GEMIN8: variants seen among roughly 807,000 people sequenced by gnomAD.
GEMIN8 encodes gem nuclear organelle associated protein 8, also known as gem-associated protein 8.
For missense variants in GEMIN8, 185 were observed against 205.9 expected (o/e 0.90, Z 0.62); for synonymous variants, 80 against 78.5 (o/e 1.02, Z -0.10).
In GEMIN8 at chrX:14,020,440, C is replaced by T. The variant is rs758365819; in HGVS notation, c.110G>A (p.Ser37Asn). Residue 37 changes from serine to asparagine, a missense_variant, in exon 4 of 5, where the codon AGC (serine) becomes AAC (asparagine). Transcript: ENST00000680255. The stretch of plus-strand genomic sequence containing the variant: ...GGCCTTCCTGTAGGCATTGTGATGG[C>T]TTTGCATCCAAGCCATTGCTTGATG... ...HYHQAMAWMQ[S>N]HHNAYRKAVE... 4.1e-6 allele frequency: 5 copies of T among 1,204,848 alleles called. No homozygotes were observed. The highest frequency in any genetic ancestry group is 1.7e-5 in the African/African-American group (1 of 57,706).
chrX:14,010,554 G>A (rs1440569963), intron 4 of GEMIN8, among the ~76,000 whole-genome samples: 2 of 112,466 alleles, frequency 1.8e-5, no homozygotes, highest in African/African-American at 6.5e-5. Flanking sequence ...AGCTAATCAA[G>A]TGTGAATGGA....
chrX:13,997,940 T>A, the GEMIN8 span, among the ~76,000 whole-genome samples: 2 of 109,303 alleles, frequency 1.8e-5, no homozygotes, highest in Non-Finnish European at 3.8e-5. Context: ...TGATGTATCT[T>A]AAAAATCCCG....
chrX:14,015,487 CTTTTGGTG>C (rs1459460019), intron 4 of GEMIN8, among the ~76,000 whole-genome samples: 3 of 111,936 alleles, frequency 2.7e-5, no homozygotes, highest in African/African-American at 9.7e-5. Context: ...CCTAGTCAAG[CTTTTGGTG>C]TTTTTTATCC....
chrX:13,984,429 T>TCCAG, the GEMIN8 span, among the ~76,000 whole-genome samples: 1 of 112,481 alleles, frequency 8.9e-6, no homozygotes, highest in Non-Finnish European at 1.9e-5. Context: ...AGATACCAAA[T>TCCAG]CCAGCCTACC....
At chrX:14,021,027 A>G (rs750843966) in intron 3 of GEMIN8, among the ~76,000 whole-genome samples, 2 of 111,151 alleles carry the variant, frequency 1.8e-5, no homozygotes, top group East Asian at 5.7e-4. Context: ...CTGGGGTAAG[A>G]GATGTCTAGG....
chrX:14,000,115 G>A, the GEMIN8 span, among the ~76,000 whole-genome samples: 28 of 108,240 alleles, frequency 2.6e-4, no homozygotes, highest in African/African-American at 9.1e-4. Flanking sequence ...GATCCACCTG[G>A]GCAATATAGT....
At chrX:14,006,105 T>C (rs1167910303), downstream of GEMIN8, among the ~76,000 whole-genome samples, 1 of 108,093 alleles carries the variant, frequency 9.3e-6, no homozygotes, top group Non-Finnish European at 1.9e-5. Flanking sequence ...CTCGGCTCAC[T>C]GCAACCTCTG....
the GEMIN8 span, among the ~76,000 whole-genome samples, chrX:13,993,112 C>T: frequency 6.6e-3 from 738 of 112,306 alleles, 7 homozygotes; most frequent in African/African-American, 0.023. Context: ...TTACTGTCAT[C>T]GCCTTTGAAC....
intron 1 of GEMIN8, among the ~76,000 whole-genome samples, chrX:14,026,593 G>C (rs1360737245): frequency 3.6e-5 from 4 of 112,307 alleles, no homozygotes; most frequent in Non-Finnish European, 7.5e-5. Flanking sequence ...AGTTTTCAAT[G>C]GATAAAATGT....
intron 1 of GEMIN8, chrX:14,027,007 A>C (rs1924730086): frequency 8.9e-6 from 1 of 112,617 alleles, no homozygotes; most frequent in Non-Finnish European, 1.9e-5. Context: ...TTCAGTACAC[A>C]CTGTTTCAAG....
chrX:14,014,587 A>G (rs1923788570), intron 4 of GEMIN8: 1 of 673,021 alleles, frequency 1.5e-6, no homozygotes, highest in African/African-American at 2.4e-5. Flanking sequence ...CAATCACTGC[A>G]ATTTCATCCT....
downstream of GEMIN8, among the ~76,000 whole-genome samples, chrX:14,001,952 G>A (rs190513259): frequency 1.8e-4 from 19 of 108,481 alleles, no homozygotes; most frequent in East Asian, 2.4e-3. Context: ...GTGAAACCCC[G>A]TCTGTACTAA....
At chrX:13,998,993 A>G in the GEMIN8 span, among the ~76,000 whole-genome samples, 1 of 112,183 alleles carries the variant, frequency 8.9e-6, no homozygotes, top group Non-Finnish European at 1.9e-5. Context: ...TTTTTTAGAC[A>G]GATAAAAATA....
At chrX:13,988,241 G>A in the GEMIN8 span, among the ~76,000 whole-genome samples, 7 of 111,545 alleles carry the variant, frequency 6.3e-5, no homozygotes, top group South Asian at 2.3e-3. Context: ...ACTTGCGCAC[G>A]TACAACTGCC....
intron 2 of GEMIN8, among the ~76,000 whole-genome samples, chrX:14,024,312 A>G (rs950732904): frequency 2.7e-5 from 3 of 111,414 alleles, no homozygotes; most frequent in African/African-American, 9.8e-5. Flanking sequence ...CAGCCTGGCC[A>G]ACATGGTGAA....
At chrX:13,987,154 C>CA in the GEMIN8 span, among the ~76,000 whole-genome samples, 1 of 111,813 alleles carries the variant, frequency 8.9e-6, no homozygotes. Context: ...GCCCCTTCCT[C>CA]AGTCTTTGAC....
At position 14,024,224 on chromosome X, in the gene GEMIN8, C is replaced by T. The variant is rs369307754; in HGVS notation, c.-34+1916G>A. On this transcript the variant is annotated intron_variant, in intron 2 of 4. Coordinates refer to ENST00000680255, the MANE Select transcript of GEMIN8 (RefSeq NM_001042479.2). ...CTGTGATTTAGAGGGAGGGGCCAGA[C>T]ACTGTGGCTCACGCCTATAATCCCA... Among the ~76,000 whole-genome samples, 4 of 112,377 alleles carry T rather than the reference C, an allele frequency of 3.6e-5. No individual in the cohort carries two copies. The South Asian group carries it at 1.1e-3, about 31-fold the overall frequency.
At chrX:14,020,566 C>T in intron 3 of GEMIN8, 32 bp from the exon 4 acceptor site, 1 of 900,884 alleles carries the variant, frequency 1.1e-6, no homozygotes, top group South Asian at 2.1e-5. Flanking sequence ...AGGGTGGACA[C>T]CAAAGTGTTT....
intron 4 of GEMIN8, among the ~76,000 whole-genome samples, chrX:14,017,523 C>G (rs758488171): frequency 1.6e-4 from 18 of 111,862 alleles, no homozygotes; most frequent in Non-Finnish European, 3.2e-4. Flanking sequence ...TAACAAAGTA[C>G]CATATACTGG....
Sources: allele counts gnomAD v4.1 joint callset (sites outside exome capture counted in the v4.1 genomes callset), GRCh38; gene constraint gnomAD v4.1.1; transcripts MANE v1.5; gene names NCBI Gene and HGNC (gene_info 2026-07-23, HGNC 2026-07-21).